BMP1: variants seen among roughly 807,000 people sequenced by gnomAD.
BMP1 encodes mammalian tolloid protein.
BMP1 carries 63 observed loss-of-function variants against 116.8 expected under a neutral mutation model. The observed-to-expected ratio is 0.54, with a 90% CI of 0.44 to 0.67. BMP1 has a LOEUF of 0.67. Among genes scored for constraint, BMP1 ranks in the 30% least tolerant of loss-of-function variants. The pLI, the probability that BMP1 is intolerant of heterozygous loss-of-function variation, is 0.00. For synonymous variants in BMP1, 536 were observed against 533.4 expected (o/e 1.00, Z -0.07); for missense variants, 1,183 against 1,358.9 (o/e 0.87, Z 2.04).
chr8:22,195,857 G>C (rs922744423), intron 13 of BMP1, among the ~76,000 whole-genome samples: 1 of 151,570 alleles, frequency 6.6e-6, no homozygotes, highest in South Asian at 2.1e-4. Flanking sequence ...CTTTGTTGCC[G>C]AGGCTTGTCT....
At chr8:22,198,912 A>C in intron 15 of BMP1, 1 of 1,201,028 alleles carries the variant, frequency 8.3e-7, no homozygotes, top group Admixed American at 3.4e-5. Flanking sequence ...GACTCCTAAG[A>C]GGTGCTCACC....
chr8:22,174,258 G>C (rs1828366599), intron 2 of BMP1, among the ~76,000 whole-genome samples: 1 of 152,186 alleles, frequency 6.6e-6, no homozygotes, highest in Admixed American at 6.5e-5. Flanking sequence ...CCCGAAACAT[G>C]ACTGTCCCTT....
rs1460043606 is a variant in BMP1, at chr8:22,179,938, T to G, written c.961+109T>G. On this transcript the variant is annotated intron_variant, in intron 7 of 19. Transcript: ENST00000306385. This position sits in a 1 kb window ranked among gnomAD's most constrained non-coding sequence, Gnocchi z 4.6. The stretch of plus-strand genomic sequence containing the variant: ...GGCTTAGGCTGCAAGTCTTAGAGAA[T>G]GGTGTGGCGGGGGAGGGGACCCCAT... 4.0e-6 allele frequency: 5 copies of G among 1,251,812 alleles called. No homozygotes were observed. The African/African-American group carries it at 7.6e-5, about 19-fold the overall frequency. The allele number at this position is 1,251,812 out of a possible 1,614,324, so 77.5% of individuals were successfully genotyped here.
At position 22,180,488 on chromosome 8, in the gene BMP1, G is replaced by A. The variant is rs745519737; in HGVS notation, c.1077+5G>A. On this transcript the variant is annotated splice_donor_5th_base_variant and intron_variant, in intron 8 of 19. Coordinates refer to ENST00000306385, the MANE Select transcript of BMP1 (RefSeq NM_006129.5). Reference sequence around the variant, plus strand: ...TCTGTCACACCCGGGGAGAAGGTACGTGTGGGCTCAGCCTCTGAGCCTCCC... The same window carrying A: ...TCTGTCACACCCGGGGAGAAGGTACATGTGGGCTCAGCCTCTGAGCCTCCC... The A allele has an allele frequency of 1.1e-5, 18 of 1,612,518 alleles. No individual in the cohort carries two copies. Among genetic ancestry groups the A allele is most frequent in the Admixed American group, 3.3e-5 (2 of 59,986 alleles).
At chr8:22,174,812 T>G (rs1334152716) in intron 2 of BMP1, among the ~76,000 whole-genome samples, 1 of 152,054 alleles carries the variant, frequency 6.6e-6, no homozygotes, top group Non-Finnish European at 1.5e-5. Context: ...TTTTATATTT[T>G]TAGTAGACAC....
At chr8:22,206,787 T>C in intron 16 of BMP1, 67 bp from the exon 17 acceptor site, 1 of 1,601,542 alleles carries the variant, frequency 6.2e-7, no homozygotes, top group Non-Finnish European at 8.5e-7. Context: ...GGGAAGGGCC[T>C]TCCCCACAGG....
At chr8:22,207,655 A>G in intron 18 of BMP1, 139 bp downstream of exon 18, 2 of 1,019,624 alleles carry the variant, frequency 2.0e-6, no homozygotes, top group Middle Eastern at 3.2e-4. Flanking sequence ...TGATGCAAAC[A>G]TTGTGTCCTG....
At position 22,195,509 on chromosome 8, in the gene BMP1, T is replaced by A; in HGVS notation, c.1687T>A (p.Cys563Ser). The change falls in exon 13 of 20, where the codon TGC (cysteine) becomes AGC (serine). Residue 563 changes from cysteine (C) to serine (S), a missense_variant. Coordinates refer to ENST00000306385, the MANE Select transcript of BMP1 (RefSeq NM_006129.5). ...RPNRGGCEQR[C>S]LNTLGSYKCS... is the part of the protein sequence containing the mutation. ...CAACCGCGGGGGCTGTGAGCAGCGG[T>A]GCCTCAACACCCTGGGCAGCTACAA... 1.9e-6 allele frequency: 3 copies of A among 1,612,566 alleles called. No individual in the cohort carries two copies. Among genetic ancestry groups the A allele is most frequent in the Non-Finnish European group, 2.5e-6 (3 of 1,179,726 alleles).
chr8:22,209,645 G>C lies in BMP1; in HGVS notation c.2776G>C (p.Asp926His), dbSNP rs777614693. The change falls in exon 19 of 20, where the codon GAC becomes CAC. Residue 926 changes from aspartate (D) to histidine (H), a missense_variant. Coordinates refer to ENST00000306385, the MANE Select transcript of BMP1 (RefSeq NM_006129.5). ...DCGYDYMELF[D>H]GYDSTAPRLG... ...CGGCTATGACTACATGGAGCTCTTC[G>C]ACGGCTACGACAGCACAGCCCCCAG... The C allele has an allele frequency of 1.2e-6, 2 of 1,614,118 alleles. No homozygotes were observed. Among genetic ancestry groups the C allele is most frequent in the Middle Eastern group, 3.3e-4 (2 of 6,062 alleles).
In BMP1 at chr8:22,201,826, A is replaced by G; in HGVS notation, c.2131A>G (p.Asn711Asp). 1 of 1,613,146 alleles carries G rather than the reference A, an allele frequency of 6.2e-7. No individual in the cohort carries two copies. Among genetic ancestry groups the G allele is most frequent in the Non-Finnish European group, 8.5e-7 (1 of 1,179,948 alleles). Residue 711 changes from asparagine (N) to aspartate (D), a missense_variant, in exon 16 of 20, where the codon AAC becomes GAC. Asn to Asp is a conservative substitution (Grantham distance 23). Coordinates refer to ENST00000306385, the MANE Select transcript of BMP1 (RefSeq NM_006129.5). ...AGACAAGGACGAGTGCTCCAAGGAT[A>G]ACGGCGGCTGCCAGCAGGACTGCGT... The part of the protein sequence containing the change: ...FSDKDECSKD[N>D]GGCQQDCVNT...
intron 8 of BMP1, among the ~76,000 whole-genome samples, chr8:22,190,813 A>G (rs534012899): frequency 6.6e-6 from 1 of 152,286 alleles, no homozygotes; most frequent in South Asian, 2.1e-4. Context: ...CTAAGAAGGT[A>G]CAAGGGAGGC....
At chr8:22,172,480 A>C (rs1828308047) in intron 1 of BMP1, among the ~76,000 whole-genome samples, 1 of 151,310 alleles carries the variant, frequency 6.6e-6, no homozygotes, top group Non-Finnish European at 1.5e-5. Flanking sequence ...GCAGCCTAAG[A>C]CTTGGAATAG....
At chr8:22,204,729 C>T (rs1400109760) in intron 16 of BMP1, among the ~76,000 whole-genome samples, 1 of 138,868 alleles carries the variant, frequency 7.2e-6, no homozygotes, top group Non-Finnish European at 1.6e-5. Context: ...TCCCCCCCCA[C>T]CCCGCCCGCC....
At chr8:22,190,382 G>T (rs1009603880) in intron 8 of BMP1, among the ~76,000 whole-genome samples, 1 of 152,240 alleles carries the variant, frequency 6.6e-6, no homozygotes, top group African/African-American at 2.4e-5. Context: ...TGGGTAAGGA[G>T]AGAGAGTAGA....
At position 22,179,681 on chromosome 8, in the gene BMP1, C is replaced by T. The variant is rs1368546590; in HGVS notation, c.837-24C>T. On this transcript the variant is annotated intron_variant, in intron 6 of 19. Transcript: ENST00000306385. The surrounding 1 kb of genome is among the most constrained non-coding windows in gnomAD (Gnocchi z 4.6). ...GCCCACTGTCCATGAGACGCTCACC[C>T]TTACTTTTCTCCCTCTTCTTCAGGG... 7 of 1,613,184 alleles carry T rather than the reference C, an allele frequency of 4.3e-6. No homozygotes were observed. Among genetic ancestry groups the T allele is most frequent in the Non-Finnish European group, 5.9e-6 (7 of 1,179,512 alleles).
intron 2 of BMP1, 82 bp downstream of exon 2, chr8:22,173,797 C>A: frequency 1.8e-6 from 2 of 1,093,032 alleles, no homozygotes; most frequent in Non-Finnish European, 2.6e-6. Flanking sequence ...CTGTTCCCAG[C>A]CAGGCCCTCC....
chr8:22,178,889 T>G (rs1222092908), intron 6 of BMP1, among the ~76,000 whole-genome samples: 1 of 152,132 alleles, frequency 6.6e-6, no homozygotes. Context: ...CTCTTCTCAG[T>G]GCTTCTACCC....
intron 15 of BMP1, chr8:22,198,660 T>C (rs944971708): frequency 6.3e-6 from 1 of 158,026 alleles, no homozygotes; most frequent in Non-Finnish European, 1.4e-5. Context: ...GCCGAGTCCA[T>C]GCTGCCTTCC....
chr8:22,197,096 G>T, intron 14 of BMP1, 144 bp from the exon 15 acceptor site: 1 of 1,143,464 alleles, frequency 8.7e-7, no homozygotes, highest in Non-Finnish European at 1.2e-6. Context: ...CTTAGGGCTG[G>T]CTTGGCGAGT....
Sources: allele counts gnomAD v4.1 joint callset (sites outside exome capture counted in the v4.1 genomes callset), GRCh38; gene constraint gnomAD v4.1.1; non-coding constraint Gnocchi (gnomAD v3.1); transcripts MANE v1.5; gene names NCBI Gene and HGNC (gene_info 2026-07-23, HGNC 2026-07-21).